The following EYS variants were observed in gnomAD, a reference collection of about 807,000 sequenced individuals.
The protein encoded by EYS is protein eyes shut homolog.
A neutral mutation model predicts 282.1 loss-of-function variants in EYS; 250 were observed. That is an observed-to-expected ratio of 0.89 (90% CI 0.80 to 0.98). The LOEUF is 0.98. Among genes scored for constraint, EYS ranks in the 50% least tolerant of loss-of-function variants. The probability of loss-of-function intolerance (pLI) is 0.00; values close to 1 mark genes in which losing one functional copy is unlikely to be tolerated. For missense variants in EYS, 4,016 were observed against 3,709.0 expected (o/e 1.08, Z -2.15); for synonymous variants, 1,355 against 1,282.9 (o/e 1.06, Z -1.20).
At chr6:64,531,727 G>T (rs936945276) in intron 26 of EYS, among the ~76,000 whole-genome samples, 52 of 151,816 alleles carry the variant, frequency 3.4e-4, no homozygotes, top group African/African-American at 1.2e-3. Context: ...CACCACGTCT[G>T]GCCAATAAAA....
At chr6:64,419,931 G>C (rs1441440092) in intron 28 of EYS, among the ~76,000 whole-genome samples, 1 of 152,226 alleles carries the variant, frequency 6.6e-6, no homozygotes, top group African/African-American at 2.4e-5. Flanking sequence ...CAGTGCCCAA[G>C]TGGGGATTCT....
chr6:63,973,147 G>T (rs750597506), intron 35 of EYS, among the ~76,000 whole-genome samples: 3 of 151,936 alleles, frequency 2.0e-5, no homozygotes, highest in South Asian at 2.1e-4. Context: ...TTCCATAATG[G>T]TTGAAGTAAT....
rs187957023 is a variant in EYS, at chr6:65,176,549, T to C, written c.2024-118822A>G. 4.6e-5 allele frequency among the ~76,000 whole-genome samples: 7 copies of C among 151,836 alleles called. No individual in the cohort carries two copies. The East Asian group carries it at 1.2e-3, about 25-fold the overall frequency. ...TATATTGAAATAATAACTTTCTATA[T>C]ACTTTTCACTTAAATCAAAGGCCTT... On this transcript the variant is annotated intron_variant, in intron 12 of 42. Coordinates refer to ENST00000503581, the MANE Select transcript of EYS (RefSeq NM_001142800.2).
chr6:64,350,823 G>T (rs1028156451), intron 29 of EYS, among the ~76,000 whole-genome samples: 2 of 151,474 alleles, frequency 1.3e-5, no homozygotes, highest in African/African-American at 2.4e-5. Flanking sequence ...AATTCCCAAC[G>T]TGTTGTGGGA....
intron 13 of EYS, among the ~76,000 whole-genome samples, chr6:65,025,239 C>T (rs1259643654): frequency 6.6e-6 from 1 of 152,128 alleles, no homozygotes; most frequent in African/African-American, 2.4e-5. Context: ...TCTGACTTCC[C>T]TCAAATCCAT....
chr6:64,861,448 C>T (rs1766234363), intron 19 of EYS, among the ~76,000 whole-genome samples: 1 of 152,148 alleles, frequency 6.6e-6, no homozygotes, highest in Admixed American at 6.5e-5. Context: ...TGCAGAGATG[C>T]CCGGGTCCAC....
intron 12 of EYS, among the ~76,000 whole-genome samples, chr6:65,176,489 C>T (rs983854017): frequency 6.6e-6 from 1 of 151,460 alleles, no homozygotes; most frequent in Non-Finnish European, 1.5e-5. Flanking sequence ...TATATAATGA[C>T]ATTTTATTTA....
At chr6:64,242,294 T>C (rs1766860875) in intron 30 of EYS, among the ~76,000 whole-genome samples, 2 of 151,944 alleles carry the variant, frequency 1.3e-5, no homozygotes, top group African/African-American at 2.4e-5. Flanking sequence ...ATTGTGATCA[T>C]AGAGAAGAGG....
chr6:64,303,772 C>T (rs935623718), intron 30 of EYS, among the ~76,000 whole-genome samples: 9 of 133,918 alleles, frequency 6.7e-5, no homozygotes, highest in South Asian at 2.6e-4. Context: ...ACCCGGGAGG[C>T]GGAGCTTGCA....
chr6:65,706,932 T>C (rs919774201), intron 1 of EYS, among the ~76,000 whole-genome samples: 2 of 152,170 alleles, frequency 1.3e-5, no homozygotes, highest in African/African-American at 4.8e-5. Context: ...GCACATGTTG[T>C]TTTTGATTCA....
intron 12 of EYS, among the ~76,000 whole-genome samples, chr6:65,189,336 A>T (rs1334628270): frequency 6.6e-6 from 1 of 151,744 alleles, no homozygotes; most frequent in Middle Eastern, 3.2e-3. Flanking sequence ...AGTTTCGTTC[A>T]TGATGTTTTC....
intron 39 of EYS, among the ~76,000 whole-genome samples, chr6:63,781,197 T>G (rs886728478): frequency 1.3e-5 from 2 of 152,258 alleles, no homozygotes; most frequent in African/African-American, 4.8e-5. Flanking sequence ...CCTCCAGGTT[T>G]GTCCTTTTTG....
At position 65,077,863 on chromosome 6, in the gene EYS, T is replaced by C. The variant is rs557059647; in HGVS notation, c.2024-20136A>G. 3.3e-5 allele frequency among the ~76,000 whole-genome samples: 5 copies of C among 152,250 alleles called. No individual in the cohort carries two copies. The South Asian group carries it at 8.3e-4, about 25-fold the overall frequency. On this transcript the variant is annotated intron_variant, in intron 12 of 42. Coordinates refer to ENST00000503581, the MANE Select transcript of EYS (RefSeq NM_001142800.2). ...GAACAACTTCTAAATAATTAAAAAT[T>C]ACTTTGAGATAATTTTAATGGTTTT...
chr6:63,746,901 TGTTGAAGG>T (rs1252939210), intron 41 of EYS, among the ~76,000 whole-genome samples: 1 of 152,212 alleles, frequency 6.6e-6, no homozygotes, highest in East Asian at 1.9e-4. Flanking sequence ...CTTATTGATT[TGTTGAAGG>T]GTTTTCTGTG....
intron 23 of EYS, among the ~76,000 whole-genome samples, chr6:64,619,589 G>A (rs1292400499): frequency 2.0e-5 from 3 of 152,294 alleles, no homozygotes; most frequent in African/African-American, 7.2e-5. Flanking sequence ...CTCTCCCAAA[G>A]AGACTGGGAA....
chr6:64,137,844 C>A (rs1311050700), intron 31 of EYS, among the ~76,000 whole-genome samples: 8 of 152,004 alleles, frequency 5.3e-5, no homozygotes, highest in Non-Finnish European at 7.4e-5. Flanking sequence ...CACAGAAATG[C>A]ACACTGTTGA....
chr6:64,037,895 T>C (rs1770196336), intron 33 of EYS, among the ~76,000 whole-genome samples: 1 of 152,218 alleles, frequency 6.6e-6, no homozygotes, highest in African/African-American at 2.4e-5. Context: ...CATTTCATTT[T>C]CTAAAACTGT....
intron 31 of EYS, among the ~76,000 whole-genome samples, chr6:64,191,197 C>A (rs1403886214): frequency 6.6e-6 from 1 of 151,964 alleles, no homozygotes; most frequent in African/African-American, 2.4e-5. Flanking sequence ...ATTTTTGTCT[C>A]ATTTATCTTT....
chr6:65,620,249 T>G (rs2149801352), intron 2 of EYS, among the ~76,000 whole-genome samples: 1 of 152,324 alleles, frequency 6.6e-6, no homozygotes, highest in Non-Finnish European at 1.5e-5. Flanking sequence ...ATTGGTCTAT[T>G]CAGAGATTCA....
Sources: allele counts gnomAD v4.1 joint callset (sites outside exome capture counted in the v4.1 genomes callset), GRCh38; gene constraint gnomAD v4.1.1; transcripts MANE v1.5; gene names NCBI Gene and HGNC (gene_info 2026-07-23, HGNC 2026-07-21).